FGD1: variants seen among roughly 807,000 people sequenced by gnomAD.
FGD1 encodes the protein FYVE, RhoGEF and PH domain-containing protein 1.
FGD1 carries 12 observed loss-of-function variants against 65.0 expected under a neutral mutation model. The ratio of observed to expected loss-of-function variants is 0.18; its 90% CI spans 0.12 to 0.30. FGD1 has a LOEUF of 0.30. Among genes scored for constraint, FGD1 ranks in the 10% least tolerant of loss-of-function variants. The pLI, the probability that FGD1 is intolerant of heterozygous loss-of-function variation, is 1.00. For missense variants in FGD1, 542 were observed against 837.6 expected (o/e 0.65, Z 4.36); for synonymous variants, 333 against 343.9 (o/e 0.97, Z 0.35).
chrX:54,481,429 G>A (rs1368633726), intron 1 of FGD1, among the ~76,000 whole-genome samples: 1 of 98,671 alleles, frequency 1.0e-5, no homozygotes, highest in Non-Finnish European at 2.0e-5. Flanking sequence ...TCTGGGCCAG[G>A]TGTTGTGTTG....
At chrX:54,456,067 A>T (rs1402120581) in intron 10 of FGD1, among the ~76,000 whole-genome samples, 153 bp downstream of exon 10, 1 of 112,097 alleles carries the variant, frequency 8.9e-6, no homozygotes, top group Non-Finnish European at 1.9e-5. Context: ...TTACTAGAGG[A>T]GAGAATGACT....
At chrX:54,477,509 A>G (rs1923045866) in intron 1 of FGD1, among the ~76,000 whole-genome samples, 1 of 108,875 alleles carries the variant, frequency 9.2e-6, no homozygotes, top group Admixed American at 9.8e-5. Flanking sequence ...AGCTCACTGC[A>G]ACCTCCGACT....
At chrX:54,462,420 T>C (rs1465517981) in intron 8 of FGD1, among the ~76,000 whole-genome samples, 1 of 92,137 alleles carries the variant, frequency 1.1e-5, no homozygotes, top group Non-Finnish European at 2.1e-5. Context: ...TGAGATGGAG[T>C]CTCACTCCGT....
chrX:54,477,333 T>A (rs1454945846), intron 1 of FGD1, among the ~76,000 whole-genome samples: 3 of 111,663 alleles, frequency 2.7e-5, no homozygotes, highest in Non-Finnish European at 5.7e-5. Context: ...ACAAAGACTC[T>A]AACTCAGGAA....
chrX:54,467,227 A>G (rs902112489), intron 6 of FGD1, among the ~76,000 whole-genome samples: 7 of 111,406 alleles, frequency 6.3e-5, no homozygotes, highest in Non-Finnish European at 1.1e-4. Context: ...AACTCAGCCA[A>G]TTTGGCTCCT....
At chrX:54,464,740 G>A (rs1342295971) in intron 8 of FGD1, among the ~76,000 whole-genome samples, 1 of 111,132 alleles carries the variant, frequency 9.0e-6, no homozygotes, top group Non-Finnish European at 1.9e-5. Flanking sequence ...GATTCAGTCT[G>A]GGGAGGAGGT....
chrX:54,450,242 G>A, intron 13 of FGD1, 29 bp downstream of exon 13: 1 of 1,194,657 alleles, frequency 8.4e-7, no homozygotes. Context: ...TACTCTTCTA[G>A]CCCCCTACCA....
intron 1 of FGD1, among the ~76,000 whole-genome samples, chrX:54,486,025 G>A (rs1290527807): frequency 2.7e-5 from 3 of 110,218 alleles, no homozygotes; most frequent in African/African-American, 6.6e-5. Context: ...CACCCACCTC[G>A]GCCTCCCAAA....
chrX:54,471,483 C>T lies in FGD1; in HGVS notation c.312G>A (p.Leu104=). 1 of 1,210,151 alleles carries T rather than the reference C, an allele frequency of 8.3e-7. No homozygotes were observed. The highest frequency in any genetic ancestry group is 1.1e-6 in the Non-Finnish European group (1 of 894,481). ...TAACCAGGATCCGGTTTCCCTGGTG[C>T]AGCCCTGCAGGAAGGGAGAAAATGG... ...HLEGSQPRPG[L]HQGNRILVKS... is the part of the protein sequence containing the mutation. Residue 104 remains leucine, a synonymous_variant, in exon 2 of 18, where the codon CTG becomes CTA. Transcript: ENST00000375135.
chrX:54,446,456 G>A lies in FGD1; in HGVS notation c.2581-42C>T, dbSNP rs374813782. On this transcript the variant is annotated intron_variant, in intron 17 of 17. Transcript: ENST00000375135. ...CAGAGCTGGGGCCACCTTGGGGCTA[G>A]ACCTTTCCCCCGCCCCAGCTTCTAA... 5.2e-6 allele frequency: 6 copies of A among 1,149,556 alleles called. No homozygotes were observed. In the African/African-American group the frequency reaches 1.1e-4, roughly 21 times the overall value. 94.7% of individuals were successfully genotyped at this position (1,149,556 alleles called of 1,213,427 possible). A position where few individuals can be genotyped will look rare whatever the true frequency, so the allele number is the denominator to read the frequency against.
chrX:54,489,415 C>G (rs1601961882), intron 1 of FGD1, among the ~76,000 whole-genome samples: 1 of 111,643 alleles, frequency 9.0e-6, no homozygotes, highest in Non-Finnish European at 1.9e-5. Context: ...AACCCCGTCT[C>G]TACTAAAAAT....
chrX:54,451,718 G>A lies in FGD1; in HGVS notation c.2016-1417C>T, dbSNP rs146419967. ...AGCCTAGCCAACATGGTGAAACCCC[G>A]TCTCTACTGAAAATACAAAAATTGG... is the stretch of plus-strand genomic sequence containing the variant. On this transcript the variant is annotated intron_variant, in intron 12 of 17. Transcript: ENST00000375135. Among the ~76,000 whole-genome samples the A allele has an allele frequency of 8.6e-3, 917 of 106,482 alleles. 7 individuals are homozygous for A. Among genetic ancestry groups the A allele is most frequent in the South Asian group, 0.013 (31 of 2,324 alleles). 92.5% of individuals were successfully genotyped at this position (106,482 alleles called of 115,157 possible).
At chrX:54,485,554 G>A (rs1239728071) in intron 1 of FGD1, among the ~76,000 whole-genome samples, 1 of 109,519 alleles carries the variant, frequency 9.1e-6, no homozygotes, top group Non-Finnish European at 1.9e-5. Context: ...CTGCAGCCTC[G>A]AACTCCTGGA....
At chrX:54,453,748 A>G (rs1245504975) in intron 12 of FGD1, among the ~76,000 whole-genome samples, 1 of 111,390 alleles carries the variant, frequency 9.0e-6, no homozygotes, top group Non-Finnish European at 1.9e-5. Context: ...TGTAAAGTAG[A>G]TTTATGGTAA....
At chrX:54,479,704 T>A (rs1569541375) in intron 1 of FGD1, among the ~76,000 whole-genome samples, 1 of 90,795 alleles carries the variant, frequency 1.1e-5, no homozygotes, top group Non-Finnish European at 2.1e-5. Flanking sequence ...GCAGAGGGAG[T>A]GGAGAAGAAC....
At chrX:54,480,206 G>C (rs1053461371) in intron 1 of FGD1, among the ~76,000 whole-genome samples, 2 of 112,382 alleles carry the variant, frequency 1.8e-5, no homozygotes, top group African/African-American at 6.5e-5. Flanking sequence ...TTGATAAACA[G>C]AAGGCCCTTC....
At chrX:54,490,029 G>A (rs756070654) in intron 1 of FGD1, among the ~76,000 whole-genome samples, 4 of 112,204 alleles carry the variant, frequency 3.6e-5, no homozygotes, top group Non-Finnish European at 7.5e-5. Flanking sequence ...CACGTCCTTT[G>A]CAGAAACATG....
At chrX:54,481,000 G>A (rs1271705164) in intron 1 of FGD1, among the ~76,000 whole-genome samples, 1 of 111,709 alleles carries the variant, frequency 9.0e-6, no homozygotes, top group Non-Finnish European at 1.9e-5. Flanking sequence ...AAAAACTGTG[G>A]GCAAGCCAAA....
At chrX:54,470,517 C>T in intron 3 of FGD1, 60 bp from the exon 4 acceptor site, 1 of 1,177,834 alleles carries the variant, frequency 8.5e-7, no homozygotes, top group Admixed American at 2.2e-5. Flanking sequence ...GAGGCCTCTC[C>T]TGACTATCCC....
Sources: gnomAD v4.1 joint callset for allele counts (sites outside exome capture counted in the v4.1 genomes callset) on GRCh38, gnomAD v4.1.1 for gene constraint, MANE v1.5 for transcripts, NCBI Gene and HGNC (gene_info 2026-07-23, HGNC 2026-07-21) for gene names.